RNF169: variants seen among roughly 807,000 people sequenced by gnomAD.
RNF169 encodes the protein E3 ubiquitin-protein ligase RNF169.
RNF169 carries 24 observed loss-of-function variants against 53.9 expected under a neutral mutation model. That is an observed-to-expected ratio of 0.45 (90% CI 0.32 to 0.63). The LOEUF (loss-of-function observed/expected upper bound fraction) is 0.63, where lower values mean the gene tolerates loss of function less well. Ranked by LOEUF, RNF169 falls within the 20% of genes least tolerant of loss-of-function variation. The pLI, the probability that RNF169 is intolerant of heterozygous loss-of-function variation, is 0.04. For synonymous variants in RNF169, 396 were observed against 363.5 expected (o/e 1.09, Z -1.02); for missense variants, 883 against 906.2 (o/e 0.97, Z 0.33).
At chr11:74,789,562 G>T in intron 1 of RNF169, 64 bp from the exon 2 acceptor site, 1 of 943,546 alleles carries the variant, frequency 1.1e-6, no homozygotes, top group Non-Finnish European at 1.7e-6. Context: ...CACATGTATT[G>T]TGCCTCCTGT....
chr11:74,836,988 T>C lies in RNF169; in HGVS notation c.*258T>C. 2.6e-6 allele frequency: 1 copy of C among 388,138 alleles called. No individual in the cohort carries two copies. Among genetic ancestry groups the C allele is most frequent in the East Asian group, 4.6e-5 (1 of 21,604 alleles). The allele number at this position is 388,138 out of a possible 1,614,324, so 24.0% of individuals were successfully genotyped here. A position where few individuals can be genotyped will look rare whatever the true frequency, so the allele number is the denominator to read the frequency against. On this transcript the variant is annotated 3_prime_UTR_variant, in exon 6 of 6. Transcript: ENST00000299563. ...GGCAGCACCCACTGGGAATGAGATT[T>C]GGAACGGCCTCAGGAGCATAATGGC...
In RNF169 at chr11:74,836,933, C is replaced by G; in HGVS notation, c.*203C>G. 1.9e-6 allele frequency: 1 copy of G among 520,518 alleles called. No homozygotes were observed. The highest frequency in any genetic ancestry group is 3.4e-6 in the Non-Finnish European group (1 of 296,424). 32.2% of individuals were successfully genotyped at this position (520,518 alleles called of 1,614,324 possible). A position where few individuals can be genotyped will look rare whatever the true frequency, so the allele number is the denominator to read the frequency against. On this transcript the variant is annotated 3_prime_UTR_variant, in exon 6 of 6. Transcript: ENST00000299563. Reference sequence around the variant, plus strand: ...TGACCCAGGCCAGAAGCCTGAGTGACCCATCCCTAAGGGCTTCTGGGCCAA... The same window carrying G: ...TGACCCAGGCCAGAAGCCTGAGTGAGCCATCCCTAAGGGCTTCTGGGCCAA...
intron 2 of RNF169, among the ~76,000 whole-genome samples, chr11:74,801,841 C>A (rs575806723): frequency 6.6e-6 from 1 of 152,100 alleles, no homozygotes; most frequent in Non-Finnish European, 1.5e-5. Flanking sequence ...TTTAAAAATA[C>A]GTTAAAAATT....
In RNF169 at chr11:74,749,158, A is replaced by C. The variant is rs760762014; in HGVS notation, c.278A>C (p.Gln93Pro). 1.6e-6 allele frequency: 2 copies of C among 1,258,358 alleles called. No individual in the cohort carries two copies. Among genetic ancestry groups the C allele is most frequent in the South Asian group, 3.0e-5 (1 of 33,386 alleles). The allele number at this position is 1,258,358 out of a possible 1,614,324, so 77.9% of individuals were successfully genotyped here. Residue 93 changes from glutamine to proline, a missense_variant, in exon 1 of 6, where the codon CAA becomes CCA. Around this residue, in one of 3 missense-constraint regions of RNF169, gnomAD observed 313 missense variants for 279.9 expected, o/e 1.12. Coordinates refer to ENST00000299563, the MANE Select transcript of RNF169 (RefSeq NM_001098638.2). Reference sequence around the variant, plus strand: ...CACTCGCTTTGCCGAGGCTGCGCCCAACGCGCCGCCGACGCGGCGGGCCCG... The same window carrying C: ...CACTCGCTTTGCCGAGGCTGCGCCCCACGCGCCGCCGACGCGGCGGGCCCG... ...CGHSLCRGCA[Q>P]RAADAAGPGC...
intron 4 of RNF169, among the ~76,000 whole-genome samples, chr11:74,820,037 C>G (rs1372061269): frequency 6.6e-6 from 1 of 152,096 alleles, no homozygotes; most frequent in South Asian, 2.1e-4. Context: ...GTCAGAGATA[C>G]TAAACACATG....
chr11:74,755,167 T>C (rs1316254900), intron 1 of RNF169, among the ~76,000 whole-genome samples: 1 of 152,176 alleles, frequency 6.6e-6, no homozygotes, highest in African/African-American at 2.4e-5. Context: ...AATTTGAGAG[T>C]GTCCTTATGT....
intron 4 of RNF169, among the ~76,000 whole-genome samples, chr11:74,822,704 C>G (rs1385486700): frequency 6.6e-6 from 1 of 152,196 alleles, no homozygotes; most frequent in Non-Finnish European, 1.5e-5. Flanking sequence ...ACACCTGTGT[C>G]ATAGAGTCTC....
rs929416150 is a variant in RNF169 at position 74,758,686 on chromosome 11, A to C, written c.502+9304A>C. On this transcript the variant is annotated intron_variant, in intron 1 of 5. Coordinates refer to ENST00000299563, the MANE Select transcript of RNF169 (RefSeq NM_001098638.2). ...CCGGCTAATTTTTTTTTGTATTTTT[A>C]GTAGAGACGGGGTTTCACTGTTTTA... Among the ~76,000 whole-genome samples, 6 of 151,874 alleles carry C rather than the reference A, an allele frequency of 4.0e-5. 1 individual carries two copies. Among genetic ancestry groups the C allele is most frequent in the Non-Finnish European group, 8.8e-5 (6 of 67,958 alleles).
chr11:74,789,752 T>C lies in RNF169; in HGVS notation c.576+53T>C. ...CTTAAAGTAGATTGAAATAATGACA[T>C]TAAAGAATGCTTAGTGGGAGTTTTG... On this transcript the variant is annotated intron_variant, in intron 2 of 5. Transcript: ENST00000299563. 7 of 1,191,252 alleles carry C rather than the reference T, an allele frequency of 5.9e-6. No individual in the cohort carries two copies. In the South Asian group the frequency reaches 7.9e-5, roughly 13 times the overall value. 73.8% of individuals were successfully genotyped at this position (1,191,252 alleles called of 1,614,324 possible). A position where few individuals can be genotyped will look rare whatever the true frequency, so the allele number is the denominator to read the frequency against.
intron 1 of RNF169, among the ~76,000 whole-genome samples, chr11:74,751,113 C>T (rs977659613): frequency 2.0e-5 from 3 of 151,946 alleles, no homozygotes; most frequent in Admixed American, 1.3e-4. Context: ...TCAAGTGATC[C>T]GCCCACCTCT....
Position 74,841,542 on chromosome 11 carries a change from A to AAAT in RNF169, c.*4813_*4815dup, listed in dbSNP as rs989494845. ...CAGTATTTTTTTCCTCTTAAGAAAA[A>AAAT]AATTTACTCTCTCTCCTTTGTGAGT... is the stretch of plus-strand genomic sequence containing the variant. On this transcript the variant is annotated 3_prime_UTR_variant, in exon 6 of 6. Coordinates refer to ENST00000299563, the MANE Select transcript of RNF169 (RefSeq NM_001098638.2). 40 of 152,250 alleles carry AAAT rather than the reference A, an allele frequency of 2.6e-4. No homozygotes were observed. Among genetic ancestry groups the AAAT allele is most frequent in the African/African-American group, 9.1e-4 (38 of 41,542 alleles). 9.4% of individuals were successfully genotyped at this position (152,250 alleles called of 1,614,324 possible).
chr11:74,774,027 A>C (rs1295914759), intron 1 of RNF169, among the ~76,000 whole-genome samples: 1 of 152,204 alleles, frequency 6.6e-6, no homozygotes, highest in African/African-American at 2.4e-5. Context: ...GTAAGACACA[A>C]ACCTTTGTGA....
chr11:74,794,166 T>C (rs139470381), intron 2 of RNF169, among the ~76,000 whole-genome samples: 1 of 152,084 alleles, frequency 6.6e-6, no homozygotes, highest in East Asian at 1.9e-4. Context: ...AGAAAATGGA[T>C]ATTGGATTGG....
At chr11:74,787,343 G>T (rs1309663414) in intron 1 of RNF169, among the ~76,000 whole-genome samples, 1 of 152,036 alleles carries the variant, frequency 6.6e-6, no homozygotes, top group African/African-American at 2.4e-5. Context: ...ACAAGTAGGA[G>T]TAAGGAAATG....
At chr11:74,768,621 AAG>A (rs1554992607) in intron 1 of RNF169, among the ~76,000 whole-genome samples, 2 of 152,068 alleles carry the variant, frequency 1.3e-5, no homozygotes, top group African/African-American at 4.8e-5. Context: ...AAAAAAAAAA[AAG>A]GTTGTAAATG....
intron 1 of RNF169, among the ~76,000 whole-genome samples, chr11:74,779,692 A>G (rs1199844156): frequency 6.6e-6 from 1 of 152,160 alleles, no homozygotes; most frequent in Non-Finnish European, 1.5e-5. Flanking sequence ...TATTTACAAT[A>G]GTTTGGTTTT....
At chr11:74,768,283 A>G (rs780645534) in intron 1 of RNF169, among the ~76,000 whole-genome samples, 45 of 152,206 alleles carry the variant, frequency 3.0e-4, no homozygotes, top group Non-Finnish European at 4.7e-4. Context: ...CCTTAGAGAA[A>G]AAAATAGATC....
intron 4 of RNF169, among the ~76,000 whole-genome samples, chr11:74,824,849 C>T (rs968777251): frequency 6.6e-6 from 1 of 152,136 alleles, no homozygotes; most frequent in Admixed American, 6.5e-5. Context: ...TAGAAAATAG[C>T]AGAAGTCCTT....
intron 1 of RNF169, among the ~76,000 whole-genome samples, chr11:74,779,300 GTAGTAGTAGTACTACTACTACCA>G (rs763959517): frequency 9.2e-5 from 14 of 152,076 alleles, no homozygotes; most frequent in Non-Finnish European, 1.9e-4. Context: ...TAAAAACACA[GTAGTAGTAGTACTACTACTACCA>G]TAGTAGTAAT....
Sources: allele counts gnomAD v4.1 joint callset (sites outside exome capture counted in the v4.1 genomes callset), GRCh38; gene constraint gnomAD v4.1.1; regional missense constraint gnomAD v4.1.1; transcripts MANE v1.5; gene names NCBI Gene and HGNC (gene_info 2026-07-23, HGNC 2026-07-21).